Variants in CYTH1 observed in about 807,000 individuals in gnomAD.
CYTH1 encodes cytohesin-1.
CYTH1 carries 18 observed loss-of-function variants against 61.8 expected under a neutral mutation model. That is an observed-to-expected ratio of 0.29 (90% CI 0.20 to 0.43). The LOEUF (loss-of-function observed/expected upper bound fraction) is 0.43. CYTH1 is among the 20% of genes least tolerant of loss of function. The pLI is 1.00. For missense variants in CYTH1, 336 were observed against 510.5 expected, an observed-to-expected ratio of 0.66 and a Z score of 3.29; for synonymous variants, 174 against 184.3, an observed-to-expected ratio of 0.94 and a Z score of 0.45.
intron 10 of CYTH1, among the ~76,000 whole-genome samples, chr17:78,694,278 G>A (rs2092917148): frequency 6.6e-6 from 1 of 152,176 alleles, no homozygotes; most frequent in South Asian, 2.1e-4. Flanking sequence ...GGTTATGCGA[G>A]GGAATTTGCT....
intron 1 of CYTH1, among the ~76,000 whole-genome samples, chr17:78,728,176 G>A (rs2093276237): frequency 6.6e-6 from 1 of 152,204 alleles, no homozygotes; most frequent in African/African-American, 2.4e-5. Context: ...AAGAAACATG[G>A]AAAACAAAGG....
At chr17:78,699,872 C>A (rs892434115) in intron 7 of CYTH1, among the ~76,000 whole-genome samples, 1 of 152,166 alleles carries the variant, frequency 6.6e-6, no homozygotes, top group Admixed American at 6.5e-5. Flanking sequence ...TGCGTGTAGT[C>A]GTAAACTCTT....
chr17:78,755,491 T>TAAAAAAAAAA lies in CYTH1; in HGVS notation c.22+26701_22+26710dup, dbSNP rs3073742. 9.2e-5 allele frequency among the ~76,000 whole-genome samples: 12 copies of TAAAAAAAAAA among 129,844 alleles called. 1 individual carries two copies. Among genetic ancestry groups the TAAAAAAAAAA allele is most frequent in the African/African-American group, 3.0e-4 (10 of 33,676 alleles). The allele number at this position is 129,844 out of a possible 152,430, so 85.2% of individuals were successfully genotyped here. Reference sequence around the variant, plus strand: ...GTATGATGTTGGCAGTGGGTTTATTTAAAAAAAAAAAAAAGGAAAGAAAGC... The same window carrying TAAAAAAAAAA: ...GTATGATGTTGGCAGTGGGTTTATTTAAAAAAAAAAAAAAAAAAAAAAAAGGAAAGAAAGC... On this transcript the variant is annotated intron_variant, in intron 1 of 13. Coordinates refer to ENST00000446868, the MANE Select transcript of CYTH1 (RefSeq NM_004762.6).
chr17:78,694,705 G>A (rs1276931691), intron 10 of CYTH1, among the ~76,000 whole-genome samples: 2 of 152,094 alleles, frequency 1.3e-5, no homozygotes, highest in Non-Finnish European at 2.9e-5. Context: ...TCGGACATAG[G>A]AGATCATGGA....
chr17:78,762,892 C>G (rs1398812536), intron 1 of CYTH1, among the ~76,000 whole-genome samples: 1 of 152,188 alleles, frequency 6.6e-6, no homozygotes, highest in Non-Finnish European at 1.5e-5. Flanking sequence ...CATTTTGGCC[C>G]AGTGAGACCC....
chr17:78,762,021 G>A lies in CYTH1; in HGVS notation c.22+20181C>T, dbSNP rs147659184. ...CAATGAGGTGTCCATCATGTGACATGGGGGAAAACAGCAGATTTCTGGAAA... is the reference window on the plus strand; with the variant it reads ...CAATGAGGTGTCCATCATGTGACATAGGGGAAAACAGCAGATTTCTGGAAA... On this transcript the variant is annotated intron_variant, in intron 1 of 13. Transcript: ENST00000446868. 5.9e-5 allele frequency among the ~76,000 whole-genome samples: 9 copies of A among 152,296 alleles called. No individual in the cohort carries two copies. The East Asian group carries it at 1.5e-3, about 26-fold the overall frequency.
At chr17:78,765,436 C>T (rs1231118102) in intron 1 of CYTH1, among the ~76,000 whole-genome samples, 1 of 152,092 alleles carries the variant, frequency 6.6e-6, no homozygotes, top group Non-Finnish European at 1.5e-5. Context: ...AGTCTGGACA[C>T]AGAGAAATCG....
At chr17:78,704,935 G>A (rs2093050282) in intron 3 of CYTH1, among the ~76,000 whole-genome samples, 1 of 152,158 alleles carries the variant, frequency 6.6e-6, no homozygotes, top group South Asian at 2.1e-4. Flanking sequence ...AAAGTCATGG[G>A]GGAAACACCA....
At chr17:78,689,497 G>C (rs959271756) in intron 11 of CYTH1, among the ~76,000 whole-genome samples, 52 of 152,268 alleles carry the variant, frequency 3.4e-4, no homozygotes, top group African/African-American at 1.2e-3. Flanking sequence ...GATCTGACAG[G>C]ATGTGGAGCT....
In CYTH1 at chr17:78,674,301, C is replaced by T. The variant is rs1247048943; in HGVS notation, c.*1790G>A. On this transcript the variant is annotated 3_prime_UTR_variant, in exon 14 of 14. Coordinates refer to ENST00000446868, the MANE Select transcript of CYTH1 (RefSeq NM_004762.6). Reference sequence around the variant, plus strand: ...GACTAATACTGACCCAGGTGCCTCTCTGTCTAGGAAACACTTGAGAACCAG... The same window carrying T: ...GACTAATACTGACCCAGGTGCCTCTTTGTCTAGGAAACACTTGAGAACCAG... 6.6e-6 allele frequency: 1 copy of T among 152,568 alleles called. No individual in the cohort carries two copies. The highest frequency in any genetic ancestry group is 1.9e-4 in the East Asian group (1 of 5,204). 9.5% of individuals were successfully genotyped at this position (152,568 alleles called of 1,614,324 possible). A position where few individuals can be genotyped will look rare whatever the true frequency, so the allele number is the denominator to read the frequency against.
chr17:78,698,187 A>G lies in CYTH1; in HGVS notation c.811+82T>C, dbSNP rs112185778. 2,469 of 1,116,816 alleles carry G rather than the reference A, an allele frequency of 2.2e-3. 26 individuals are homozygous for G. The African/African-American group carries it at 0.033, about 15-fold the overall frequency. 69.2% of individuals were successfully genotyped at this position (1,116,816 alleles called of 1,614,324 possible). Reference sequence around the variant, plus strand: ...CGCACAAACACGCACACGCGCACACACGCACGCACGCACACACGCACACAC... The same window carrying G: ...CGCACAAACACGCACACGCGCACACGCGCACGCACGCACACACGCACACAC... On this transcript the variant is annotated intron_variant, in intron 9 of 13. Coordinates refer to ENST00000446868, the MANE Select transcript of CYTH1 (RefSeq NM_004762.6).
chr17:78,758,722 C>CA (rs2093411556), intron 1 of CYTH1, among the ~76,000 whole-genome samples: 1 of 151,494 alleles, frequency 6.6e-6, no homozygotes, highest in South Asian at 2.1e-4. Flanking sequence ...CTCAAAAAAA[C>CA]AAAAAAGAAA....
At chr17:78,774,825 T>C (rs915849345) in intron 1 of CYTH1, among the ~76,000 whole-genome samples, 13 of 152,176 alleles carry the variant, frequency 8.5e-5, no homozygotes, top group African/African-American at 3.1e-4. Context: ...CCGTAATACA[T>C]ACATGTGAAA....
chr17:78,768,916 T>C (rs909579747), intron 1 of CYTH1, among the ~76,000 whole-genome samples: 11 of 151,686 alleles, frequency 7.3e-5, no homozygotes, highest in Non-Finnish European at 1.0e-4. Flanking sequence ...GAGATGGAGG[T>C]TGGCAAATCA....
chr17:78,695,333 A>G (rs999874341), intron 10 of CYTH1, among the ~76,000 whole-genome samples: 2 of 152,194 alleles, frequency 1.3e-5, no homozygotes, highest in African/African-American at 4.8e-5. Context: ...TCTGATCCCC[A>G]GGAAACTAAA....
chr17:78,680,509 T>C (rs1374798797), intron 12 of CYTH1, among the ~76,000 whole-genome samples, 165 bp from the exon 13 acceptor site: 2 of 152,210 alleles, frequency 1.3e-5, no homozygotes, highest in Non-Finnish European at 2.9e-5. Flanking sequence ...TTCTAGAGAC[T>C]GTAAATTGTA....
intron 1 of CYTH1, among the ~76,000 whole-genome samples, chr17:78,711,261 C>G (rs1366741983): frequency 7.1e-6 from 1 of 141,510 alleles, no homozygotes; most frequent in Non-Finnish European, 1.5e-5. Context: ...GACTCCATCT[C>G]AAATAAATAA....
chr17:78,715,723 A>G (rs930000324), intron 1 of CYTH1, among the ~76,000 whole-genome samples: 3 of 152,122 alleles, frequency 2.0e-5, no homozygotes, highest in Non-Finnish European at 4.4e-5. Context: ...CTGGGCCATC[A>G]GGGACGCCAG....
chr17:78,702,359 A>G, intron 4 of CYTH1, 119 bp from the exon 5 acceptor site: 1 of 1,012,780 alleles, frequency 9.9e-7, no homozygotes, highest in Non-Finnish European at 1.5e-6. Flanking sequence ...AATACTTGCT[A>G]AGTGACCTAT....
Sources: gnomAD v4.1 joint callset for allele counts (sites outside exome capture counted in the v4.1 genomes callset) on GRCh38, gnomAD v4.1.1 for gene constraint, MANE v1.5 for transcripts, NCBI Gene and HGNC (gene_info 2026-07-23, HGNC 2026-07-21) for gene names.